Variants in NEDD9 observed in about 807,000 individuals in gnomAD.
The protein encoded by NEDD9 is neural precursor cell expressed, developmentally down-regulated 9.
NEDD9 carries 26 observed loss-of-function variants against 76.6 expected under a neutral mutation model. That is an observed-to-expected ratio of 0.34 (90% CI 0.25 to 0.47). The LOEUF (loss-of-function observed/expected upper bound fraction) is 0.47. Among genes scored for constraint, NEDD9 ranks in the 20% least tolerant of loss-of-function variants. The pLI, the probability that NEDD9 is intolerant of heterozygous loss-of-function variation, is 1.00. For missense variants in NEDD9, 937 were observed against 1,058.5 expected (o/e 0.89, Z 1.59); for synonymous variants, 392 against 414.2 (o/e 0.95, Z 0.65).
rs866841638 is a variant in NEDD9, at chr6:11,293,098, C to T, written c.12+12894G>A. Among the ~76,000 whole-genome samples the T allele has an allele frequency of 1.4e-4, 22 of 152,270 alleles. 2 individuals are homozygous for T. The highest frequency in any genetic ancestry group is 4.8e-4 in the African/African-American group (20 of 41,542). On this transcript the variant is annotated intron_variant, in intron 3 of 3. Coordinates refer to the NEDD9 transcript ENST00000397378. ...AACACTTGTAGTTTGTAATCATTCACTGCCAATGAACTATTTGCTGTAAAA... is the reference window on the plus strand; with the variant it reads ...AACACTTGTAGTTTGTAATCATTCATTGCCAATGAACTATTTGCTGTAAAA...
chr6:11,185,384 G>A lies in NEDD9; in HGVS notation c.2283C>T (p.Asp761=). Residue 761 remains aspartate (D), a synonymous_variant, in exon 7 of 7, where the codon GAC becomes GAT. Coordinates refer to ENST00000379446, the MANE Select transcript of NEDD9 (RefSeq NM_006403.4). The part of the protein sequence containing the change: ...LSAHKLVFIG[D]TLTRQVTAQD... ...GGGCAGTCACCTGCCGTGTCAGCGT[G>A]TCTCCAATGAACACCAGTTTGTGTG... 1.2e-6 allele frequency: 2 copies of A among 1,614,232 alleles called. No individual in the cohort carries two copies. The highest frequency in any genetic ancestry group is 2.2e-5 in the East Asian group (1 of 44,892).
chr6:11,188,078 C>T (rs1016399748), intron 6 of NEDD9, 140 bp downstream of exon 6: 1 of 701,720 alleles, frequency 1.4e-6, no homozygotes, highest in Non-Finnish European at 2.5e-6. Flanking sequence ...TGCTTTTAAA[C>T]CCCATTCCGT....
chr6:11,261,490 T>C (rs948800211), intron 3 of NEDD9, among the ~76,000 whole-genome samples: 3 of 152,260 alleles, frequency 2.0e-5, no homozygotes, highest in Non-Finnish European at 4.4e-5. Context: ...AGCATATTTA[T>C]GTTTCAATTC....
intron 1 of NEDD9, 148 bp downstream of exon 1, chr6:11,232,356 C>CT (rs1759498550): frequency 6.7e-6 from 6 of 898,502 alleles, no homozygotes; most frequent in Non-Finnish European, 1.0e-5. Flanking sequence ...TGCTTGTCTG[C>CT]TTGCATGTCA....
chr6:11,371,894 T>C (rs539983893), intron 1 of NEDD9, among the ~76,000 whole-genome samples: 1 of 152,354 alleles, frequency 6.6e-6, no homozygotes, highest in Admixed American at 6.5e-5. Flanking sequence ...TTATATGAGA[T>C]GTTTTGATAC....
Position 11,184,306 on chromosome 6 carries a change from C to T in NEDD9, c.*856G>A, listed in dbSNP as rs1757922286. 6.6e-6 allele frequency: 1 copy of T among 152,166 alleles called. No homozygotes were observed. The highest frequency in any genetic ancestry group is 6.5e-5 in the Admixed American group (1 of 15,282). 9.4% of individuals were successfully genotyped at this position (152,166 alleles called of 1,614,324 possible). ...TGGTGAACAATCATAGTCTGATACG[C>T]CTTTGTAAATCTTTGCTGCAAATAT... is the stretch of plus-strand genomic sequence containing the variant. On this transcript the variant is annotated 3_prime_UTR_variant, in exon 7 of 7. Transcript: ENST00000379446.
chr6:11,217,023 T>C (rs1758973944), intron 1 of NEDD9, among the ~76,000 whole-genome samples: 2 of 152,220 alleles, frequency 1.3e-5, no homozygotes, highest in Admixed American at 1.3e-4. Flanking sequence ...TGAGACAACA[T>C]ATTAATAATG....
rs556298988 is a variant in NEDD9, at chr6:11,194,928, C to A, written c.460-1236G>T. 5.9e-5 allele frequency among the ~76,000 whole-genome samples: 9 copies of A among 152,350 alleles called. 1 individual carries two copies. In the East Asian group the frequency reaches 1.7e-3, roughly 29 times the overall value. The stretch of plus-strand genomic sequence containing the variant: ...CCAGGGTCTTGTTTCTGCCTAACCC[C>A]CACCCTTTGAGTCATTGAGTGCCCA... On this transcript the variant is annotated intron_variant, in intron 2 of 6. Transcript: ENST00000379446.
intron 2 of NEDD9, among the ~76,000 whole-genome samples, chr6:11,319,690 ACT>A (rs34789068): frequency 0.43 from 63,070 of 148,296 alleles, 13,356 homozygotes; most frequent in East Asian, 0.66. Context: ...AAACATGGAC[ACT>A]CACACAAACA....
At chr6:11,268,249 G>A (rs1760237302) in intron 3 of NEDD9, among the ~76,000 whole-genome samples, 1 of 151,924 alleles carries the variant, frequency 6.6e-6, no homozygotes, top group African/African-American at 2.4e-5. Flanking sequence ...ACCTAGGCTG[G>A]TCTCAAATTC....
At chr6:11,286,798 G>A (rs778309205) in intron 3 of NEDD9, among the ~76,000 whole-genome samples, 1 of 152,166 alleles carries the variant, frequency 6.6e-6, no homozygotes, top group African/African-American at 2.4e-5. Flanking sequence ...GCAGATTAAC[G>A]GTTGCCTAGG....
chr6:11,290,817 G>A (rs1370035193), intron 3 of NEDD9, among the ~76,000 whole-genome samples: 3 of 152,094 alleles, frequency 2.0e-5, no homozygotes, highest in Non-Finnish European at 4.4e-5. Context: ...GAAAGAAAGG[G>A]GCAGCTAACA....
chr6:11,331,908 G>T lies in NEDD9; in HGVS notation c.-153+2593C>A, dbSNP rs79390147. Among the ~76,000 whole-genome samples, 494 of 152,300 alleles carry T rather than the reference G, an allele frequency of 3.2e-3. 10 individuals are homozygous for T. In the East Asian group the frequency reaches 0.053, roughly 16 times the overall value. On this transcript the variant is annotated intron_variant, in intron 2 of 3. Transcript: ENST00000397378. The stretch of plus-strand genomic sequence containing the variant: ...AGCAGCAAGCCCAGACATACAGAGG[G>T]CTGGAGGGGAGCTGTAGTTCAAATG...
At chr6:11,223,008 CTGTG>C (rs138030049) in intron 1 of NEDD9, among the ~76,000 whole-genome samples, 9 of 151,742 alleles carry the variant, frequency 5.9e-5, no homozygotes, top group African/African-American at 2.2e-4. Flanking sequence ...TTGGTTGTCA[CTGTG>C]TGTGTGTGTG....
intron 2 of NEDD9, among the ~76,000 whole-genome samples, chr6:11,314,150 T>A (rs943618912): frequency 6.6e-6 from 1 of 152,190 alleles, no homozygotes; most frequent in Non-Finnish European, 1.5e-5. Flanking sequence ...GATTTGGGGT[T>A]TAGAAGTATG....
At chr6:11,207,134 G>A (rs1258607173) in intron 2 of NEDD9, among the ~76,000 whole-genome samples, 1 of 152,242 alleles carries the variant, frequency 6.6e-6, no homozygotes, top group Non-Finnish European at 1.5e-5. Context: ...AGGAACAGGA[G>A]AAAGTGAGGT....
chr6:11,227,064 C>G (rs1759328124), intron 1 of NEDD9, among the ~76,000 whole-genome samples: 1 of 152,084 alleles, frequency 6.6e-6, no homozygotes, highest in African/African-American at 2.4e-5. Flanking sequence ...ATTTTGTCTT[C>G]TATGAGCAAA....
intron 6 of NEDD9, among the ~76,000 whole-genome samples, chr6:11,187,565 GAA>G (rs1276104047): frequency 2.6e-5 from 4 of 152,150 alleles, no homozygotes; most frequent in Admixed American, 6.6e-5. Flanking sequence ...GAGAGAGAGA[GAA>G]AGAGAAATGG....
chr6:11,241,468 G>T lies in NEDD9; in HGVS notation c.13-27741C>A, dbSNP rs1419632751. On this transcript the variant is annotated intron_variant, in intron 3 of 3. Coordinates refer to the NEDD9 transcript ENST00000397378. This position sits in a 1 kb window ranked among gnomAD's most constrained non-coding sequence, Gnocchi z 4.0. ...TGTCTAGTTGGACTAAGCAGAAAAGGCTTATGGATTGTGTGCCCTAGCTTC... is the reference window on the plus strand; with the variant it reads ...TGTCTAGTTGGACTAAGCAGAAAAGTCTTATGGATTGTGTGCCCTAGCTTC... Among the ~76,000 whole-genome samples, 1 of 152,114 alleles carries T rather than the reference G, an allele frequency of 6.6e-6. No individual in the cohort carries two copies. The highest frequency in any genetic ancestry group is 2.4e-5 in the African/African-American group (1 of 41,422).
Sources: allele counts gnomAD v4.1 joint callset (sites outside exome capture counted in the v4.1 genomes callset), GRCh38; gene constraint gnomAD v4.1.1; non-coding constraint Gnocchi (gnomAD v3.1); transcripts MANE v1.5; gene names NCBI Gene and HGNC (gene_info 2026-07-23, HGNC 2026-07-21).